The following TBL1XR1 variants were observed in gnomAD, a reference collection of about 807,000 sequenced individuals.
The protein encoded by TBL1XR1 is TBL1X/Y related 1, also known as F-box-like/WD repeat-containing protein TBL1XR1.
A neutral mutation model predicts 66.9 loss-of-function variants in TBL1XR1; 5 were observed. The ratio of observed to expected loss-of-function variants is 0.07; its 90% CI spans 0.04 to 0.16. The LOEUF (loss-of-function observed/expected upper bound fraction) is 0.16. TBL1XR1 is among the 10% of genes least tolerant of loss of function. TBL1XR1 has a pLI of 1.00. For missense variants in TBL1XR1, 238 were observed against 623.2 expected (o/e 0.38, Z 6.58); for synonymous variants, 210 against 206.0 (o/e 1.02, Z -0.17).
chr3:177,179,117 C>CAAAAAAAAAAAAAAAAA (rs71178099), intron 1 of TBL1XR1, among the ~76,000 whole-genome samples: 1 of 107,448 alleles, frequency 9.3e-6, no homozygotes, highest in African/African-American at 4.3e-5. Flanking sequence ...AACTACGTCT[C>CAAAAAAAAAAAAAAAAA]AAAAAAAAAA....
chr3:177,036,707 TAAG>T (rs1714838393), intron 12 of TBL1XR1, among the ~76,000 whole-genome samples: 1 of 152,156 alleles, frequency 6.6e-6, no homozygotes, highest in Non-Finnish European at 1.5e-5. Flanking sequence ...AGCCCAGACT[TAAG>T]AAGAACTGTC....
At chr3:177,026,308 A>G (rs541862947) in intron 15 of TBL1XR1, 65 bp downstream of exon 15, 10 of 1,276,664 alleles carry the variant, frequency 7.8e-6, no homozygotes, top group Non-Finnish European at 1.1e-5. Flanking sequence ...TATCACTAAC[A>G]ATAAGCTGCA....
Position 177,065,023 on chromosome 3 carries a change from C to A in TBL1XR1, c.-45-1G>T. On this transcript the variant is annotated splice_acceptor_variant, in intron 2 of 15. Transcript: ENST00000457928. LOFTEE classifies it low-confidence loss of function (5UTR_SPLICE). ...TGAGGTCACAACACAGGATATAACC[C>A]TAAAAATAAAACAAAGTTAATTATT... The A allele has an allele frequency of 7.1e-7, 1 of 1,415,404 alleles. No homozygotes were observed. Among genetic ancestry groups the A allele is most frequent in the South Asian group, 1.6e-5 (1 of 62,670 alleles). The allele number at this position is 1,415,404 out of a possible 1,614,324, so 87.7% of individuals were successfully genotyped here.
intron 2 of TBL1XR1, among the ~76,000 whole-genome samples, chr3:177,070,230 T>TG (rs1719791781): frequency 6.6e-6 from 1 of 152,216 alleles, no homozygotes; most frequent in African/African-American, 2.4e-5. Context: ...AAAAGACCTC[T>TG]GATGAGCTGC....
rs769063142 is a variant in TBL1XR1, at chr3:177,053,848, G to A, written c.129C>T (p.Leu43=). 4.9e-5 allele frequency: 79 copies of A among 1,613,532 alleles called. No individual in the cohort carries two copies. The highest frequency in any genetic ancestry group is 1.1e-4 in the East Asian group (5 of 44,886). The part of the protein sequence containing the change: ...HISQSNINGA[L]VPPAALISII... ...TAGAAATCAATGCAGCGGGTGGGAC[G>A]AGGGCACCATTTATATTGGACTGAC... Residue 43 remains leucine (L), a synonymous_variant, in exon 4 of 16, where the codon CTC becomes CTT. Transcript: ENST00000457928.
At chr3:177,056,313 G>T (rs546912054) in intron 3 of TBL1XR1, among the ~76,000 whole-genome samples, 38 of 152,330 alleles carry the variant, frequency 2.5e-4, no homozygotes, top group African/African-American at 9.1e-4. Flanking sequence ...TAAGTTTAAA[G>T]TAATAATATG....
upstream of TBL1XR1, among the ~76,000 whole-genome samples, chr3:177,198,855 GAA>G (rs1737250771): frequency 2.8e-5 from 4 of 145,024 alleles, no homozygotes; most frequent in Admixed American, 2.8e-4. Context: ...TCAGAAACCT[GAA>G]GTTTTGCGAC....
chr3:177,193,666 A>G (rs1026631320), intron 1 of TBL1XR1, among the ~76,000 whole-genome samples: 1 of 152,164 alleles, frequency 6.6e-6, no homozygotes, highest in African/African-American at 2.4e-5. Flanking sequence ...GAGTTCTATC[A>G]ATTTCATTTA....
chr3:177,197,696 C>T (rs1313667632), upstream of TBL1XR1, among the ~76,000 whole-genome samples: 54 of 72,860 alleles, frequency 7.4e-4, 1 homozygote, highest in Admixed American at 9.4e-3. Flanking sequence ...CGCCGGGAGG[C>T]GGCGGCGGCG....
intron 14 of TBL1XR1, among the ~76,000 whole-genome samples, chr3:177,028,046 A>G (rs540463581): frequency 2.6e-5 from 4 of 152,352 alleles, no homozygotes; most frequent in South Asian, 4.1e-4. Flanking sequence ...GAACTGGGCT[A>G]TAACGAACCA....
chr3:177,091,782 G>A (rs1722872457), intron 2 of TBL1XR1, among the ~76,000 whole-genome samples: 1 of 152,100 alleles, frequency 6.6e-6, no homozygotes, highest in South Asian at 2.1e-4. Context: ...TTTGAAAACT[G>A]GTAAATAAAA....
chr3:177,068,967 C>T (rs948553055), intron 2 of TBL1XR1, among the ~76,000 whole-genome samples: 3 of 152,314 alleles, frequency 2.0e-5, no homozygotes, highest in East Asian at 1.9e-4. Context: ...ATAATTATAA[C>T]TTAGATGTGA....
intron 2 of TBL1XR1, among the ~76,000 whole-genome samples, chr3:177,084,822 G>A (rs1409248980): frequency 1.3e-5 from 2 of 152,218 alleles, no homozygotes; most frequent in Non-Finnish European, 2.9e-5. Context: ...AATCCGGTCT[G>A]ACTTCTGAAA....
Position 177,025,496 on chromosome 3 carries a change from C to T in TBL1XR1, c.*2G>A, listed in dbSNP as rs746182305. 6 of 1,612,428 alleles carry T rather than the reference C, an allele frequency of 3.7e-6. No homozygotes were observed. Among genetic ancestry groups the T allele is most frequent in the South Asian group, 1.1e-5 (1 of 90,968 alleles). On this transcript the variant is annotated 3_prime_UTR_variant, in exon 16 of 16. Coordinates refer to ENST00000457928, the MANE Select transcript of TBL1XR1 (RefSeq NM_024665.7). Reference sequence around the variant, plus strand: ...TCGGTCCATGGCTTCCAACTAGTAGCGCTATTTCCGAAGGTCTAATACACA... The same window carrying T: ...TCGGTCCATGGCTTCCAACTAGTAGTGCTATTTCCGAAGGTCTAATACACA...
intron 7 of TBL1XR1, among the ~76,000 whole-genome samples, chr3:177,048,168 G>T (rs1250042047): frequency 6.6e-6 from 1 of 152,138 alleles, no homozygotes; most frequent in Non-Finnish European, 1.5e-5. Flanking sequence ...TATAGTTAAT[G>T]AAGTAAGTAC....
chr3:177,061,212 A>G (rs1264059162), intron 3 of TBL1XR1, among the ~76,000 whole-genome samples: 1 of 152,228 alleles, frequency 6.6e-6, no homozygotes, highest in East Asian at 1.9e-4. Flanking sequence ...TCACAATGTA[A>G]ATCCCTTCTC....
intron 2 of TBL1XR1, among the ~76,000 whole-genome samples, chr3:177,088,243 T>G (rs1722396833): frequency 6.6e-6 from 1 of 152,138 alleles, no homozygotes; most frequent in Non-Finnish European, 1.5e-5. Context: ...AAATCTGCAG[T>G]TTTTGGAGCA....
At chr3:177,106,704 A>G (rs1724936677) in intron 1 of TBL1XR1, among the ~76,000 whole-genome samples, 1 of 152,194 alleles carries the variant, frequency 6.6e-6, no homozygotes, top group African/African-American at 2.4e-5. Context: ...ACAGAAATAA[A>G]TTGTTATAAA....
chr3:177,148,756 T>A (rs6801917), intron 1 of TBL1XR1, among the ~76,000 whole-genome samples: 8,834 of 151,780 alleles, frequency 0.058, 548 homozygotes, highest in African/African-American at 0.16. Context: ...ACGCCTGTAA[T>A]CCCTGCACTT....
Sources: gnomAD v4.1 joint callset for allele counts (sites outside exome capture counted in the v4.1 genomes callset) on GRCh38, gnomAD v4.1.1 for gene constraint, MANE v1.5 for transcripts, NCBI Gene and HGNC (gene_info 2026-07-23, HGNC 2026-07-21) for gene names.